GNAL: variants seen among roughly 807,000 people sequenced by gnomAD.
The protein encoded by GNAL is G protein subunit alpha L, also known as guanine nucleotide-binding protein G(olf) subunit alpha.
A neutral mutation model predicts 55.1 loss-of-function variants in GNAL; 18 were observed. The observed-to-expected ratio is 0.33, with a 90% CI of 0.23 to 0.48. The LOEUF (loss-of-function observed/expected upper bound fraction) is 0.48, where lower values mean the gene tolerates loss of function less well. Ranked by LOEUF, GNAL falls within the 20% of genes least tolerant of loss-of-function variation. The pLI is 0.99. For synonymous variants in GNAL, 253 were observed against 237.0 expected, an observed-to-expected ratio of 1.07 and a Z score of -0.62; for missense variants, 412 against 614.1, an observed-to-expected ratio of 0.67 and a Z score of 3.48.
chr18:11,792,495 T>C (rs1328306789), intron 4 of GNAL, among the ~76,000 whole-genome samples: 2 of 152,222 alleles, frequency 1.3e-5, no homozygotes, highest in Non-Finnish European at 2.9e-5. Flanking sequence ...TTGTCTTGTA[T>C]TGTTTTCTAA....
intron 5 of GNAL, among the ~76,000 whole-genome samples, chr18:11,831,963 T>C (rs2035393041): frequency 6.6e-6 from 1 of 152,244 alleles, no homozygotes; most frequent in African/African-American, 2.4e-5. Flanking sequence ...TCTGTAAAAG[T>C]GAGTGTCCTT....
At chr18:11,841,587 G>A (rs1325328869) in intron 5 of GNAL, among the ~76,000 whole-genome samples, 1 of 149,492 alleles carries the variant, frequency 6.7e-6, no homozygotes, top group Non-Finnish European at 1.5e-5. Flanking sequence ...AGAGGTTGCA[G>A]TGAGCCAATA....
chr18:11,846,426 C>A (rs146740545), intron 5 of GNAL, among the ~76,000 whole-genome samples: 7,814 of 143,296 alleles, frequency 0.055, 240 homozygotes, highest in South Asian at 0.098. Context: ...TATATAAATA[C>A]ATATATAAAT....
At chr18:11,861,356 C>T (rs757594260) in intron 5 of GNAL, among the ~76,000 whole-genome samples, 8 of 152,088 alleles carry the variant, frequency 5.3e-5, no homozygotes. Flanking sequence ...TGTTGGTCCC[C>T]GAGGGACCCA....
intron 8 of GNAL, among the ~76,000 whole-genome samples, chr18:11,867,676 C>T (rs1355919652): frequency 2.0e-5 from 3 of 151,262 alleles, no homozygotes; most frequent in African/African-American, 2.4e-5. Context: ...TAGCCGGGTG[C>T]GGTGGTGGGT....
intron 4 of GNAL, among the ~76,000 whole-genome samples, chr18:11,769,493 C>T (rs370724334): frequency 5.3e-5 from 8 of 152,058 alleles, no homozygotes; most frequent in Admixed American, 3.9e-4. Context: ...TAAGCTTTGG[C>T]TAGAGCTCAA....
chr18:11,823,967 CT>C (rs1229605290), intron 4 of GNAL, among the ~76,000 whole-genome samples: 1 of 152,166 alleles, frequency 6.6e-6, no homozygotes. Flanking sequence ...GAGCATCTTG[CT>C]TGCCATAATA....
At chr18:11,823,503 C>A (rs761113176) in intron 4 of GNAL, among the ~76,000 whole-genome samples, 1 of 152,230 alleles carries the variant, frequency 6.6e-6, no homozygotes, top group Non-Finnish European at 1.5e-5. Flanking sequence ...CTCACTTCTA[C>A]TCCCCTTCCA....
intron 5 of GNAL, chr18:11,851,586 C>G (rs749131244): frequency 1.9e-6 from 3 of 1,612,700 alleles, no homozygotes; most frequent in South Asian, 1.1e-5. Flanking sequence ...CCAAAAAATG[C>G]GATAAGGAGG....
chr18:11,815,987 A>T (rs79200479), intron 4 of GNAL, among the ~76,000 whole-genome samples: 1 of 152,214 alleles, frequency 6.6e-6, no homozygotes, highest in African/African-American at 2.4e-5. Context: ...AGCACTGGTG[A>T]GGATGTGCAA....
In GNAL at chr18:11,751,838, G is replaced by A; in HGVS notation, c.377-1015G>A. 5.4e-6 allele frequency: 1 copy of A among 186,758 alleles called. No individual in the cohort carries two copies. 11.6% of individuals were successfully genotyped at this position (186,758 alleles called of 1,614,324 possible). A position where few individuals can be genotyped will look rare whatever the true frequency, so the allele number is the denominator to read the frequency against. Reference sequence around the variant, plus strand: ...AAGCCAGCCTCCCTCTCCCTTCCCCGCACCGGGATCCCAGACCAGGGAGGG... The same window carrying A: ...AAGCCAGCCTCCCTCTCCCTTCCCCACACCGGGATCCCAGACCAGGGAGGG... On this transcript the variant is annotated intron_variant, in intron 1 of 11. Coordinates refer to ENST00000334049, the MANE Select transcript of GNAL (RefSeq NM_182978.4). This position sits in a 1 kb window ranked among gnomAD's most constrained non-coding sequence, Gnocchi z 4.5.
In GNAL at chr18:11,699,005, A is replaced by G. The variant is rs111524718; in HGVS notation, c.376+9066A>G. Among the ~76,000 whole-genome samples, 763 of 152,220 alleles carry G rather than the reference A, an allele frequency of 5.0e-3. 7 individuals carry two copies. Among genetic ancestry groups the G allele is most frequent in the African/African-American group, 0.018 (730 of 41,522 alleles). On this transcript the variant is annotated intron_variant, in intron 1 of 11. Transcript: ENST00000334049. ...GTCTATGAAAAGTTTCCAAAGATTA[A>G]CATTTTCAAAGGTAAGACCTAACTC... is the stretch of plus-strand genomic sequence containing the variant.
intron 1 of GNAL, among the ~76,000 whole-genome samples, chr18:11,738,207 G>A (rs2032498724): frequency 6.6e-6 from 1 of 152,162 alleles, no homozygotes; most frequent in African/African-American, 2.4e-5. Flanking sequence ...AGCTTAGCCT[G>A]CACCACCCAC....
intron 5 of GNAL, chr18:11,852,183 C>T (rs1786581): frequency 0.15 from 225,665 of 1,456,364 alleles, 19,344 homozygotes; most frequent in Non-Finnish European, 0.18. Flanking sequence ...TAGAGAGATA[C>T]TATACCCTAG....
chr18:11,822,521 T>G (rs2035126111), intron 4 of GNAL, among the ~76,000 whole-genome samples: 2 of 152,142 alleles, frequency 1.3e-5, no homozygotes, highest in Non-Finnish European at 2.9e-5. Flanking sequence ...GGAGGATTGC[T>G]TGAGCTCGGG....
intron 4 of GNAL, among the ~76,000 whole-genome samples, chr18:11,819,992 A>G (rs1220814225): frequency 6.6e-6 from 1 of 152,194 alleles, no homozygotes; most frequent in African/African-American, 2.4e-5. Flanking sequence ...GAGCTTATAT[A>G]CCATTTTAAC....
At position 11,738,950 on chromosome 18, in the gene GNAL, T is replaced by C. The variant is rs561392704; in HGVS notation, c.377-13903T>C. Among the ~76,000 whole-genome samples, 16 of 152,262 alleles carry C rather than the reference T, an allele frequency of 1.1e-4. No individual in the cohort carries two copies. The East Asian group carries it at 2.7e-3, about 26-fold the overall frequency. On this transcript the variant is annotated intron_variant, in intron 1 of 11. Coordinates refer to ENST00000334049, the MANE Select transcript of GNAL (RefSeq NM_182978.4). ...GTGCTGCGGAGGAGCCCACTGCTCT[T>C]TGCCGCCCGACGTCATAACATCTTA... is the stretch of plus-strand genomic sequence containing the variant.
chr18:11,691,848 T>C (rs2031257692), intron 1 of GNAL, among the ~76,000 whole-genome samples: 1 of 152,198 alleles, frequency 6.6e-6, no homozygotes, highest in African/African-American at 2.4e-5. Context: ...CGGGCCGCAG[T>C]GTGCTCGCTG....
At chr18:11,702,700 G>T (rs751862130) in intron 1 of GNAL, among the ~76,000 whole-genome samples, 9 of 151,970 alleles carry the variant, frequency 5.9e-5, no homozygotes, top group Non-Finnish European at 1.0e-4. Context: ...ACCAGCCATT[G>T]CAGCACAGCA....
Sources: allele counts gnomAD v4.1 joint callset (sites outside exome capture counted in the v4.1 genomes callset), GRCh38; gene constraint gnomAD v4.1.1; non-coding constraint Gnocchi (gnomAD v3.1); transcripts MANE v1.5; gene names NCBI Gene and HGNC (gene_info 2026-07-23, HGNC 2026-07-21).